Variants in ZMYM1 observed in about 807,000 individuals in gnomAD.
The protein encoded by ZMYM1 is zinc finger MYM-type protein 1.
In ZMYM1, 39 loss-of-function variants were observed where a neutral mutation model predicts 60.0. The observed-to-expected ratio is 0.65, with a 90% CI of 0.50 to 0.85. ZMYM1 has a LOEUF of 0.85. Among genes scored for constraint, ZMYM1 ranks in the 40% least tolerant of loss-of-function variants. ZMYM1 has a pLI of 0.00. For missense variants in ZMYM1, 1,171 were observed against 1,309.5 expected, an observed-to-expected ratio of 0.89 and a Z score of 1.63; for synonymous variants, 413 against 454.0, an observed-to-expected ratio of 0.91 and a Z score of 1.15.
intron 2 of ZMYM1, among the ~76,000 whole-genome samples, chr1:35,094,862 A>G (rs1250212663): frequency 1.3e-5 from 2 of 152,188 alleles, no homozygotes; most frequent in Admixed American, 1.3e-4. Context: ...AAACAAAAAA[A>G]AGGAATGTTT....
chr1:35,076,150 C>T (rs1371630115), upstream of ZMYM1, among the ~76,000 whole-genome samples: 2 of 152,182 alleles, frequency 1.3e-5, no homozygotes, highest in Admixed American at 6.6e-5. Context: ...CCCATATACA[C>T]ATAACCCCAG....
rs12045473 is a variant in ZMYM1 at position 35,087,920 on chromosome 1, G to A, written c.-74-5994G>A. ...TACTAAAAATACAAAACTTAGCCAG[G>A]CATGCTGGCTGGTGCCTATAATCCC... On this transcript the variant is annotated intron_variant, in intron 1 of 9. Coordinates refer to ENST00000359858, the MANE Select transcript of ZMYM1 (RefSeq NM_024772.5). 1.8e-4 allele frequency among the ~76,000 whole-genome samples: 28 copies of A among 152,134 alleles called. No individual in the cohort carries two copies. In the East Asian group the frequency reaches 4.9e-3, roughly 27 times the overall value.
chr1:35,094,411 TCTTAA>T (rs1356655813), intron 2 of ZMYM1, among the ~76,000 whole-genome samples: 1 of 152,342 alleles, frequency 6.6e-6, no homozygotes, highest in African/African-American at 2.4e-5. Context: ...TTTTTGTTTT[TCTTAA>T]CTTAATACAA....
intron 4 of ZMYM1, among the ~76,000 whole-genome samples, chr1:35,101,632 C>A (rs1047028224): frequency 1.3e-5 from 2 of 151,658 alleles, no homozygotes; most frequent in Non-Finnish European, 2.9e-5. Context: ...TCTCCTCTTA[C>A]AACCGCCCAC....
downstream of ZMYM1, among the ~76,000 whole-genome samples, chr1:35,117,183 C>T (rs187370974): frequency 6.6e-6 from 1 of 150,732 alleles, no homozygotes; most frequent in East Asian, 2.0e-4. Context: ...AGCTGTTTCT[C>T]CCTTACCCTC....
At chr1:35,095,079 T>C (rs1376910920) in intron 2 of ZMYM1, among the ~76,000 whole-genome samples, 1 of 152,120 alleles carries the variant, frequency 6.6e-6, no homozygotes, top group Non-Finnish European at 1.5e-5. Flanking sequence ...CATTCAGGCA[T>C]AGATCAAGTT....
intron 4 of ZMYM1, among the ~76,000 whole-genome samples, chr1:35,102,183 C>T (rs546150465): frequency 6.6e-6 from 1 of 151,058 alleles, no homozygotes; most frequent in South Asian, 2.1e-4. Flanking sequence ...TTTTAGTAGC[C>T]TTTTAGATCG....
At chr1:35,089,199 C>T (rs747519819) in intron 1 of ZMYM1, among the ~76,000 whole-genome samples, 10 of 152,054 alleles carry the variant, frequency 6.6e-5, no homozygotes, top group Non-Finnish European at 1.0e-4. Context: ...TTTTATCTTA[C>T]GAATAACAAT....
At position 35,114,663 on chromosome 1, in the gene ZMYM1, G is replaced by T. The variant is rs766426368; in HGVS notation, c.2833G>T (p.Val945Leu). 6.3e-6 allele frequency: 10 copies of T among 1,595,876 alleles called. No homozygotes were observed. The highest frequency in any genetic ancestry group is 8.5e-6 in the Non-Finnish European group (10 of 1,175,272). ...LQKRRKIQKS[V>L]DLGNSDNMFF... ...GAAAAGAAGAAAAATTCAGAAATCA[G>T]TAGATCTTGGCAATTCAGATAATAT... is the stretch of plus-strand genomic sequence containing the variant. Residue 945 changes from valine to leucine, a missense_variant, in exon 10 of 10, where the codon GTA becomes TTA. Coordinates refer to ENST00000359858, the MANE Select transcript of ZMYM1 (RefSeq NM_024772.5).
rs1321714011 is a variant in ZMYM1, at chr1:35,113,926, C to T, written c.2096C>T (p.Thr699Ile). Residue 699 changes from threonine to isoleucine, a missense_variant, in exon 10 of 10, where the codon ACT becomes ATT. Transcript: ENST00000359858. Reference protein sequence around the residue: ...TGTHLHRTIKTYLQQIGVDMD... With the variant: ...TGTHLHRTIKIYLQQIGVDMD... The stretch of plus-strand genomic sequence containing the variant: ...ACCCACTTACATAGGACTATCAAAA[C>T]TTATCTGCAGCAAATTGGAGTTGAT... 1 of 1,613,802 alleles carries T rather than the reference C, an allele frequency of 6.2e-7. No individual in the cohort carries two copies. Among genetic ancestry groups the T allele is most frequent in the Non-Finnish European group, 8.5e-7 (1 of 1,179,906 alleles).
intron 1 of ZMYM1, among the ~76,000 whole-genome samples, chr1:35,068,379 G>A (rs1197446517): frequency 2.8e-5 from 4 of 144,646 alleles, no homozygotes; most frequent in South Asian, 4.3e-4. Flanking sequence ...AGATCACACC[G>A]TTGCACTCCA....
In ZMYM1 at chr1:35,115,218, G is replaced by T. The variant is rs373409759; in HGVS notation, c.3388G>T (p.Glu1130Ter). 6.3e-7 allele frequency: 1 copy of T among 1,599,048 alleles called. No homozygotes were observed. The highest frequency in any genetic ancestry group is 8.5e-7 in the Non-Finnish European group (1 of 1,175,820). ...NKLMEPERLN[E>*]IVEKFISQMK... ...ACTAATGGAGCCTGAAAGACTCAAT[G>T]AAATTGTGGAAAAGTTTATCAGTCA... The change falls in exon 10 of 10, where the codon GAA becomes TAA. Residue 1130 changes from glutamate to a stop codon, truncating the protein, a stop_gained. Transcript: ENST00000359858. LOFTEE classifies it high-confidence loss of function.
At chr1:35,068,057 G>A (rs1346033888) in intron 1 of ZMYM1, among the ~76,000 whole-genome samples, 1 of 151,892 alleles carries the variant, frequency 6.6e-6, no homozygotes. Flanking sequence ...AAAGTGCTGG[G>A]ATTACAGGCG....
At position 35,104,742 on chromosome 1, in the gene ZMYM1, T is replaced by G; in HGVS notation, c.780T>G (p.Ser260Arg). The G allele has an allele frequency of 6.2e-7, 1 of 1,614,028 alleles. No homozygotes were observed. Among genetic ancestry groups the G allele is most frequent in the Non-Finnish European group, 8.5e-7 (1 of 1,179,872 alleles). Residue 260 changes from serine to arginine, a missense_variant, in exon 6 of 10, where the codon AGT (serine) becomes AGG (arginine). By Grantham distance (110) the Ser-to-Arg change is moderately radical. Transcript: ENST00000359858. ...QMEGQSHYFNSSKSITAYKQK... is the reference protein window; with the variant it reads ...QMEGQSHYFNRSKSITAYKQK... ...AAGGACAGTCTCATTACTTTAATAG[T>G]TCAAAGAGTATTACAGCATATAAGC...
At chr1:35,107,304 C>CAA (rs1161051800) in intron 6 of ZMYM1, among the ~76,000 whole-genome samples, 3,837 of 109,720 alleles carry the variant, frequency 0.035, 151 homozygotes, top group African/African-American at 0.096. Context: ...ACTAAAAATA[C>CAA]AAAAAAAAAA....
chr1:35,090,433 A>G (rs184905622), intron 1 of ZMYM1, among the ~76,000 whole-genome samples: 16 of 152,274 alleles, frequency 1.1e-4, no homozygotes, highest in African/African-American at 3.8e-4. Context: ...TATACCTAAT[A>G]TAGGTGACAG....
intron 1 of ZMYM1, among the ~76,000 whole-genome samples, chr1:35,061,508 G>A (rs1000701457): frequency 2.0e-5 from 3 of 152,074 alleles, no homozygotes; most frequent in African/African-American, 7.2e-5. Flanking sequence ...TGGGTGCGGT[G>A]GCTCACGCCT....
chr1:35,108,643 G>A (rs1262694867), intron 6 of ZMYM1, among the ~76,000 whole-genome samples: 6 of 150,926 alleles, frequency 4.0e-5, no homozygotes, highest in East Asian at 1.9e-4. Context: ...GTGAGTCACC[G>A]TGCCCAGCCT....
In ZMYM1 at chr1:35,114,734, T is replaced by C; in HGVS notation, c.2904T>C (p.Tyr968=). 6.4e-7 allele frequency: 1 copy of C among 1,572,454 alleles called. No homozygotes were observed. Among genetic ancestry groups the C allele is most frequent in the Non-Finnish European group, 8.6e-7 (1 of 1,158,314 alleles). Residue 968 remains tyrosine, a synonymous_variant, in exon 10 of 10, where the codon TAT becomes TAC. Coordinates refer to ENST00000359858, the MANE Select transcript of ZMYM1 (RefSeq NM_024772.5). ...STEEQYKINI[Y]YQGLDTILQN... ...AAGAACAATATAAAATTAATATCTA[T>C]TACCAAGGATTAGATACTATATTAC...
Sources: allele counts gnomAD v4.1 joint callset (sites outside exome capture counted in the v4.1 genomes callset), GRCh38; gene constraint gnomAD v4.1.1; transcripts MANE v1.5; gene names NCBI Gene and HGNC (gene_info 2026-07-23, HGNC 2026-07-21).